Variants in TENM4 observed in about 807,000 individuals in gnomAD.
The protein encoded by TENM4 is teneurin transmembrane protein 4, also known as teneurin-4.
Under a neutral mutation model 243.3 loss-of-function variants are expected in TENM4, and 82 were observed. The ratio of observed to expected loss-of-function variants is 0.34; its 90% confidence interval spans 0.28 to 0.40. The LOEUF (loss-of-function observed/expected upper bound fraction) is 0.40. Among genes scored for constraint, TENM4 ranks in the 10% least tolerant of loss-of-function variants. The pLI is 1.00. For synonymous variants in TENM4, 1,412 were observed against 1,456.3 expected (o/e 0.97, Z 0.69); for missense variants, 3,138 against 3,673.3 (o/e 0.85, Z 3.77).
intron 9 of TENM4, among the ~76,000 whole-genome samples, chr11:78,877,262 C>G (rs545995720): frequency 6.6e-6 from 1 of 152,120 alleles, no homozygotes; most frequent in African/African-American, 2.4e-5. Context: ...CTGCTCCCTT[C>G]TTCCTTCCAC....
chr11:79,336,864 TCACATCGA>T (rs1857156639), intron 1 of TENM4, among the ~76,000 whole-genome samples: 2 of 152,170 alleles, frequency 1.3e-5, no homozygotes, highest in African/African-American at 4.8e-5. Flanking sequence ...TGGGCAGTGT[TCACATCGA>T]CATTTACTGA....
At chr11:79,167,878 A>C (rs1175899568) in intron 3 of TENM4, among the ~76,000 whole-genome samples, 1 of 152,224 alleles carries the variant, frequency 6.6e-6, no homozygotes, top group Non-Finnish European at 1.5e-5. Flanking sequence ...CCCTGGATGC[A>C]TGTAGAGATT....
At chr11:79,378,182 C>T (rs1056613493) in intron 1 of TENM4, among the ~76,000 whole-genome samples, 1 of 152,214 alleles carries the variant, frequency 6.6e-6, no homozygotes, top group Non-Finnish European at 1.5e-5. Context: ...GGAACTAATG[C>T]TTTTCTGTCT....
At chr11:78,953,889 G>A (rs1308545897) in intron 6 of TENM4, among the ~76,000 whole-genome samples, 1 of 152,032 alleles carries the variant, frequency 6.6e-6, no homozygotes, top group Non-Finnish European at 1.5e-5. Context: ...GAGAGGTGAA[G>A]CAAATTGCCC....
rs114106936 is a variant in TENM4, at chr11:79,142,234, A to G, written c.-66+6476T>C. Among the ~76,000 whole-genome samples, 844 of 152,228 alleles carry G rather than the reference A, an allele frequency of 5.5e-3. 12 individuals carry two copies. The highest frequency in any genetic ancestry group is 0.019 in the African/African-American group (796 of 41,558). ...TGTGACCTTACATTTGGAAAAAGCT[A>G]AAGACTCCATCAAAAAATTTTTAGA... On this transcript the variant is annotated intron_variant, in intron 4 of 33. Coordinates refer to ENST00000278550, the MANE Select transcript of TENM4 (RefSeq NM_001098816.3).
At chr11:79,394,040 C>A (rs952905055) in intron 1 of TENM4, among the ~76,000 whole-genome samples, 10 of 152,158 alleles carry the variant, frequency 6.6e-5, no homozygotes, top group African/African-American at 2.4e-4. Context: ...AGAATTGAAC[C>A]CTGGCTCCCC....
intron 25 of TENM4, 88 bp downstream of exon 25, chr11:78,720,282 C>T: frequency 1.4e-6 from 2 of 1,458,792 alleles, no homozygotes; most frequent in East Asian, 2.3e-5. Context: ...TTTTGCCATA[C>T]AGCCATTTGA....
At position 79,258,006 on chromosome 11, in the gene TENM4, C is replaced by T. The variant is rs554942295; in HGVS notation, c.-265+39482G>A. ...TAAGCCTTCTTCCTGCAAACACCTG[C>T]GAGGTGAGGGGTTCACTCAATCCAT... On this transcript the variant is annotated intron_variant, in intron 2 of 33. Transcript: ENST00000278550. 6.2e-4 allele frequency among the ~76,000 whole-genome samples: 94 copies of T among 152,182 alleles called. 1 individual carries two copies. In the South Asian group the frequency reaches 0.019, roughly 30 times the overall value.
intron 6 of TENM4, among the ~76,000 whole-genome samples, chr11:78,942,359 C>CACCTGAG (rs1283980788): frequency 7.1e-6 from 1 of 140,966 alleles, no homozygotes; most frequent in Non-Finnish European, 1.5e-5. Flanking sequence ...GTGGGAGGAT[C>CACCTGAG]ACCTGAGCCT....
intron 27 of TENM4, among the ~76,000 whole-genome samples, chr11:78,707,061 T>C (rs541472137): frequency 6.6e-6 from 1 of 152,190 alleles, no homozygotes; most frequent in Non-Finnish European, 1.5e-5. Flanking sequence ...TGGAAGGACT[T>C]AGCGATACAT....
At chr11:78,666,338 T>G (rs1264040115) in intron 32 of TENM4, among the ~76,000 whole-genome samples, 1 of 152,184 alleles carries the variant, frequency 6.6e-6, no homozygotes, top group Non-Finnish European at 1.5e-5. Flanking sequence ...TGCATCACAC[T>G]TAAGTATTCT....
intron 12 of TENM4, among the ~76,000 whole-genome samples, chr11:78,831,427 C>T (rs1857976345): frequency 6.6e-6 from 1 of 152,224 alleles, no homozygotes; most frequent in Admixed American, 6.5e-5. Context: ...GCCCTCTACT[C>T]TCACAGTCTG....
intron 28 of TENM4, among the ~76,000 whole-genome samples, chr11:78,696,999 C>G (rs2135749352): frequency 6.6e-6 from 1 of 152,302 alleles, no homozygotes; most frequent in Middle Eastern, 3.4e-3. Flanking sequence ...TGAGCAGGGT[C>G]TGGGTAGAGT....
At chr11:79,144,985 T>C (rs1360665486) in intron 4 of TENM4, among the ~76,000 whole-genome samples, 1 of 152,080 alleles carries the variant, frequency 6.6e-6, no homozygotes, top group Non-Finnish European at 1.5e-5. Context: ...GGATACCCCA[T>C]TTAACCTGAT....
At chr11:79,291,649 G>A (rs1320868364) in intron 2 of TENM4, among the ~76,000 whole-genome samples, 1 of 152,182 alleles carries the variant, frequency 6.6e-6, no homozygotes, top group Non-Finnish European at 1.5e-5. Flanking sequence ...CGAGGGGGTG[G>A]AAGTGGGGAA....
Position 78,786,976 on chromosome 11 carries a change from G to A in TENM4, c.2287C>T (p.Arg763Cys), listed in dbSNP as rs751467112. Residue 763 changes from arginine (R) to cysteine (C), a missense_variant, in exon 16 of 34, where the codon CGC (arginine) becomes TGC (cysteine). Transcript: ENST00000278550. The stretch of plus-strand genomic sequence containing the variant: ...CGGCAGGTCCCATGCTCGGCACAGC[G>A]CGGGTGGCAGGCCCGCTGGTCGCAG... ...AACDQRACHP[R>C]CAEHGTCRDG... The A allele has an allele frequency of 1.8e-5, 29 of 1,590,128 alleles. No individual in the cohort carries two copies. Among genetic ancestry groups the A allele is most frequent in the South Asian group, 4.6e-5 (4 of 87,086 alleles).
chr11:79,055,535 C>T (rs752352983), intron 6 of TENM4, among the ~76,000 whole-genome samples: 89 of 152,112 alleles, frequency 5.9e-4, no homozygotes, highest in Non-Finnish European at 1.2e-3. Context: ...AGCCACTGTG[C>T]CCAGACTATT....
At chr11:79,268,004 G>A (rs1040195458) in intron 2 of TENM4, among the ~76,000 whole-genome samples, 1 of 152,156 alleles carries the variant, frequency 6.6e-6, no homozygotes, top group Non-Finnish European at 1.5e-5. Context: ...AGTTTTACTA[G>A]GCTTTAAACT....
At chr11:78,871,562 C>T (rs1859128672) in intron 9 of TENM4, among the ~76,000 whole-genome samples, 1 of 152,214 alleles carries the variant, frequency 6.6e-6, no homozygotes, top group African/African-American at 2.4e-5. Flanking sequence ...TGGGACTGAG[C>T]TAAGCCCAGT....
Sources: allele counts gnomAD v4.1 joint callset (sites outside exome capture counted in the v4.1 genomes callset), GRCh38; gene constraint gnomAD v4.1.1; transcripts MANE v1.5; gene names NCBI Gene and HGNC (gene_info 2026-07-23, HGNC 2026-07-21).